CHMP3: variants seen among roughly 807,000 people sequenced by gnomAD.
CHMP3 encodes the protein 25.1 protein.
In CHMP3, 8 loss-of-function variants were observed where a neutral mutation model predicts 27.4. The observed-to-expected ratio is 0.29, with a 90% CI of 0.17 to 0.53. The LOEUF (loss-of-function observed/expected upper bound fraction) is 0.53. Among genes scored for constraint, CHMP3 ranks in the 20% least tolerant of loss-of-function variants. The pLI, the probability that CHMP3 is intolerant of heterozygous loss-of-function variation, is 0.96. For missense variants in CHMP3, 208 were observed against 271.5 expected, an observed-to-expected ratio of 0.77 and a Z score of 1.64; for synonymous variants, 86 against 85.5, an observed-to-expected ratio of 1.01 and a Z score of -0.03.
intron 2 of CHMP3, 106 bp downstream of exon 2, chr2:86,542,146 T>G: frequency 8.6e-7 from 1 of 1,169,350 alleles, no homozygotes; most frequent in Non-Finnish European, 1.2e-6. Context: ...ATAACTGATA[T>G]AGGAATAAAC....
rs77196007 is a variant in CHMP3 at position 86,510,679 on chromosome 2, G to A, written c.287-200C>T. The A allele has an allele frequency of 2.5e-4, 172 of 687,102 alleles. No individual in the cohort carries two copies. The African/African-American group carries it at 2.9e-3, about 12-fold the overall frequency. The allele number at this position is 687,102 out of a possible 1,614,324, so 42.6% of individuals were successfully genotyped here. A position where few individuals can be genotyped will look rare whatever the true frequency, so the allele number is the denominator to read the frequency against. Reference sequence around the variant, plus strand: ...GTATGCTATCTGGGTTACTACTGATGTGAATTCAATGAGCATGCACACCAC... The same window carrying A: ...GTATGCTATCTGGGTTACTACTGATATGAATTCAATGAGCATGCACACCAC... On this transcript the variant is annotated intron_variant, in intron 3 of 5. Transcript: ENST00000263856.
At chr2:86,518,251 AAAGTT>A (rs1675390553) in intron 3 of CHMP3, among the ~76,000 whole-genome samples, 1 of 152,204 alleles carries the variant, frequency 6.6e-6, no homozygotes, top group African/African-American at 2.4e-5. Flanking sequence ...AGAAAAAAGA[AAAGTT>A]AAAAGGTACA....
intron 1 of CHMP3, among the ~76,000 whole-genome samples, chr2:86,560,317 C>T (rs1055812892): frequency 2.0e-5 from 3 of 151,996 alleles, no homozygotes; most frequent in African/African-American, 7.2e-5. Context: ...GGAACCAACC[C>T]AAATGTCCAT....
At chr2:86,513,456 G>A (rs372856011) in intron 3 of CHMP3, among the ~76,000 whole-genome samples, 7 of 152,118 alleles carry the variant, frequency 4.6e-5, no homozygotes, top group African/African-American at 1.2e-4. Flanking sequence ...CAAACCCATC[G>A]AATGTACAAC....
Position 86,505,833 on chromosome 2 carries a change from G to A in CHMP3, c.640C>T (p.Gln214Ter), listed in dbSNP as rs1326914668. The A allele has an allele frequency of 6.3e-7, 1 of 1,596,824 alleles. No homozygotes were observed. The highest frequency in any genetic ancestry group is 1.7e-5 in the Admixed American group (1 of 58,052). The change falls in exon 6 of 6, where the codon CAG (glutamine) becomes TAG (stop). Residue 214 changes from glutamine (Q) to a stop codon, truncating the protein, a stop_gained. Transcript: ENST00000263856. LOFTEE classifies it high-confidence loss of function. ...CTGCGGAGTGTGGCCAGCCGGGACT[G>A]CATGGCCTCCAGAGCCTCTTCCTCC... is the stretch of plus-strand genomic sequence containing the variant. ...EEEEEALEAM[Q>*]SRLATLRS
At chr2:86,554,793 A>G (rs1677047294) in intron 1 of CHMP3, among the ~76,000 whole-genome samples, 1 of 150,670 alleles carries the variant, frequency 6.6e-6, no homozygotes, top group African/African-American at 2.4e-5. Flanking sequence ...GAAGTCCATC[A>G]ATAGAATAAA....
chr2:86,507,009 C>G (rs144427253), intron 5 of CHMP3: 1 of 149,574 alleles, frequency 6.7e-6, no homozygotes, highest in African/African-American at 2.5e-5. Flanking sequence ...AGAAGTCAAT[C>G]TATTAGGTCA....
rs67889930 is a variant in CHMP3 at position 86,504,500 on chromosome 2, ATTTTTTTTTTTTTT to A, written c.*1290_*1303del. Reference sequence around the variant, plus strand: ...AGGGTCCTCTGGACTCAAAAATGAAATTTTTTTTTTTTTTTTTTTTTTTTTTTGGAGAGACAGGA... The same window carrying A: ...AGGGTCCTCTGGACTCAAAAATGAAATTTTTTTTTTTTTGGAGAGACAGGA... On this transcript the variant is annotated 3_prime_UTR_variant, in exon 6 of 6. Transcript: ENST00000263856. 1 of 103,692 alleles carries A rather than the reference ATTTTTTTTTTTTTT, an allele frequency of 9.6e-6. No homozygotes were observed. Among genetic ancestry groups the A allele is most frequent in the Non-Finnish European group, 1.8e-5 (1 of 54,412 alleles). The allele number at this position is 103,692 out of a possible 1,614,324, so 6.4% of individuals were successfully genotyped here. A position where few individuals can be genotyped will look rare whatever the true frequency, so the allele number is the denominator to read the frequency against.
chr2:86,518,682 C>A lies in CHMP3; in HGVS notation c.287-8203G>T, dbSNP rs562524158. 5.3e-5 allele frequency among the ~76,000 whole-genome samples: 8 copies of A among 152,110 alleles called. No individual in the cohort carries two copies. The East Asian group carries it at 1.5e-3, about 29-fold the overall frequency. ...TTCAGCAGCAGCCCTGGTTTCTGCCCACTAGATGCCAGTAGCAGCACCCCT... is the reference window on the plus strand; with the variant it reads ...TTCAGCAGCAGCCCTGGTTTCTGCCAACTAGATGCCAGTAGCAGCACCCCT... On this transcript the variant is annotated intron_variant, in intron 3 of 5. Coordinates refer to ENST00000263856, the MANE Select transcript of CHMP3 (RefSeq NM_016079.4).
chr2:86,529,119 TA>T, intron 3 of CHMP3, 98 bp downstream of exon 3: 1 of 1,304,590 alleles, frequency 7.7e-7, no homozygotes. Flanking sequence ...ATACAAAGAA[TA>T]AAAACCAGAG....
At chr2:86,529,167 T>C (rs780931940) in intron 3 of CHMP3, 51 bp downstream of exon 3, 31 of 1,465,652 alleles carry the variant, frequency 2.1e-5, no homozygotes, top group Non-Finnish European at 2.7e-5. Flanking sequence ...GTGTTGATAA[T>C]AACAGCAACC....
At chr2:86,559,007 T>C (rs1191762638) in intron 1 of CHMP3, among the ~76,000 whole-genome samples, 1 of 152,194 alleles carries the variant, frequency 6.6e-6, no homozygotes, top group East Asian at 1.9e-4. Flanking sequence ...AGGTATCTCC[T>C]CAGCTGGGTT....
rs1329255100 is a variant in CHMP3 at position 86,504,502 on chromosome 2, T to A, written c.*1302A>T. On this transcript the variant is annotated 3_prime_UTR_variant, in exon 6 of 6. Coordinates refer to ENST00000263856, the MANE Select transcript of CHMP3 (RefSeq NM_016079.4). Reference sequence around the variant, plus strand: ...GGTCCTCTGGACTCAAAAATGAAATTTTTTTTTTTTTTTTTTTTTTTTTTT... The same window carrying A: ...GGTCCTCTGGACTCAAAAATGAAATATTTTTTTTTTTTTTTTTTTTTTTTT... The A allele has an allele frequency of 7.9e-4, 10 of 12,682 alleles. No homozygotes were observed. The highest frequency in any genetic ancestry group is 0.056 in the Middle Eastern group (2 of 36). 0.8% of individuals were successfully genotyped at this position (12,682 alleles called of 1,614,324 possible).
Position 86,507,518 on chromosome 2 carries a change from C to T in CHMP3, c.484G>A (p.Glu162Lys), listed in dbSNP as rs1326612180. The T allele has an allele frequency of 6.2e-7, 1 of 1,614,056 alleles. No homozygotes were observed. The highest frequency in any genetic ancestry group is 1.3e-5 in the African/African-American group (1 of 74,934). Reference sequence around the variant, plus strand: ...AAGAGAATTCTGTCAATTTCCATTTCTGCTTCTTCCTCCATTTCTTCCTGA... The same window carrying T: ...AAGAGAATTCTGTCAATTTCCATTTTTGCTTCTTCCTCCATTTCTTCCTGA... ...DDQEEMEEEA[E>K]MEIDRILFEI... Residue 162 changes from glutamate to lysine, a missense_variant, in exon 5 of 6, where the codon GAA (glutamate) becomes AAA (lysine). By Grantham distance (56) the Glu-to-Lys change is moderately conservative. Transcript: ENST00000263856.
intron 1 of CHMP3, among the ~76,000 whole-genome samples, chr2:86,551,076 T>G (rs1167709502): frequency 1.3e-5 from 2 of 152,184 alleles, no homozygotes; most frequent in African/African-American, 4.8e-5. Context: ...GGAATTACAT[T>G]TGCTTCTGGC....
intron 1 of CHMP3, among the ~76,000 whole-genome samples, chr2:86,557,279 G>A (rs1405233681): frequency 1.3e-5 from 2 of 152,122 alleles, no homozygotes; most frequent in African/African-American, 4.8e-5. Flanking sequence ...AATCATCTTT[G>A]CACTCATCCC....
At chr2:86,514,834 T>C (rs1277444389) in intron 3 of CHMP3, among the ~76,000 whole-genome samples, 1 of 152,192 alleles carries the variant, frequency 6.6e-6, no homozygotes, top group Non-Finnish European at 1.5e-5. Context: ...CCAAATTTCC[T>C]GCTTAAAAAT....
chr2:86,526,832 G>T (rs2103936834), intron 3 of CHMP3, among the ~76,000 whole-genome samples: 1 of 152,070 alleles, frequency 6.6e-6, no homozygotes, highest in Admixed American at 6.5e-5. Flanking sequence ...GCCTCCCAAA[G>T]GGCTGGCATT....
At chr2:86,552,178 TAACACAC>T (rs1444924244) in intron 1 of CHMP3, among the ~76,000 whole-genome samples, 1 of 152,222 alleles carries the variant, frequency 6.6e-6, no homozygotes, top group Non-Finnish European at 1.5e-5. Flanking sequence ...GTTAGAACTA[TAACACAC>T]TAAATATATA....
Sources: gnomAD v4.1 joint callset for allele counts (sites outside exome capture counted in the v4.1 genomes callset) on GRCh38, gnomAD v4.1.1 for gene constraint, MANE v1.5 for transcripts, NCBI Gene and HGNC (gene_info 2026-07-23, HGNC 2026-07-21) for gene names.